The following CYP24A1 variants were observed in gnomAD, a reference collection of about 807,000 sequenced individuals.
The protein encoded by CYP24A1 is 1,25-dihydroxyvitamin D(3) 24-hydroxylase, mitochondrial.
Under a neutral mutation model 62.4 loss-of-function variants are expected in CYP24A1, and 68 were observed. The observed-to-expected ratio is 1.09, with a 90% CI of 0.90 to 1.33. CYP24A1 has a LOEUF of 1.33. Among genes scored for constraint, CYP24A1 ranks in the 40% most tolerant of loss-of-function variants. The probability of loss-of-function intolerance (pLI) is 0.00; values close to 1 mark genes in which losing one functional copy is unlikely to be tolerated. For synonymous variants in CYP24A1, 267 were observed against 253.0 expected, an observed-to-expected ratio of 1.06 and a Z score of -0.52; for missense variants, 787 against 653.0, an observed-to-expected ratio of 1.21 and a Z score of -2.24.
At chr20:54,148,245 GA>G in the CYP24A1 span, among the ~76,000 whole-genome samples, 1 of 151,422 alleles carries the variant, frequency 6.6e-6, no homozygotes, top group Non-Finnish European at 1.5e-5. Context: ...CATAATTTCA[GA>G]AAAGTTACAT....
downstream of CYP24A1, among the ~76,000 whole-genome samples, chr20:54,151,659 G>C (rs1403814707): frequency 6.6e-6 from 1 of 151,968 alleles, no homozygotes; most frequent in Non-Finnish European, 1.5e-5. Flanking sequence ...CAATTCTCCT[G>C]CCTCAGGAGA....
intron 4 of CYP24A1, among the ~76,000 whole-genome samples, chr20:54,166,059 C>T (rs1454189709): frequency 2.0e-5 from 3 of 152,232 alleles, no homozygotes; most frequent in Admixed American, 6.5e-5. Context: ...CTCATCACCT[C>T]AGAGTGTCAT....
At chr20:54,165,619 ACACTT>A (rs1222327597) in intron 5 of CYP24A1, 118 bp downstream of exon 5, 9 of 734,884 alleles carry the variant, frequency 1.2e-5, no homozygotes, top group African/African-American at 1.0e-4. Flanking sequence ...ATTAAAATGA[ACACTT>A]AACTATTGAA....
In CYP24A1 at chr20:54,169,618, C is replaced by T. The variant is rs2146502648; in HGVS notation, c.614G>A (p.Ser205Asn). ...TTCAAACGACCATTTGTTCAGTTCGCTGTACAAGTCTTCAACGTGGCCTCT... is the reference window on the plus strand; with the variant it reads ...TTCAAACGACCATTTGTTCAGTTCGTTGTACAAGTCTTCAACGTGGCCTCT... ...DERGHVEDLY[S>N]ELNKWSFESI... is the part of the protein sequence containing the mutation. The change falls in exon 4 of 12, where the codon AGC (serine) becomes AAC (asparagine). Residue 205 changes from serine to asparagine, a missense_variant. Coordinates refer to ENST00000216862, the MANE Select transcript of CYP24A1 (RefSeq NM_000782.5). 1 of 1,614,170 alleles carries T rather than the reference C, an allele frequency of 6.2e-7. No individual in the cohort carries two copies. The highest frequency in any genetic ancestry group is 8.5e-7 in the Non-Finnish European group (1 of 1,180,024).
intron 11 of CYP24A1, among the ~76,000 whole-genome samples, chr20:54,155,436 A>G (rs1275236363): frequency 6.6e-6 from 1 of 152,068 alleles, no homozygotes; most frequent in Non-Finnish European, 1.5e-5. Context: ...ATATGTTACA[A>G]ATGTCTTATT....
intron 2 of CYP24A1, chr20:54,172,098 A>G (rs551884123): frequency 3.7e-5 from 10 of 272,150 alleles, no homozygotes; most frequent in Admixed American, 2.5e-4. Flanking sequence ...TCATATTTAC[A>G]AAATATCTCA....
Position 54,159,049 on chromosome 20 carries a change from T to A in CYP24A1, c.1065A>T (p.Glu355Asp). 6.2e-7 allele frequency: 1 copy of A among 1,614,196 alleles called. No homozygotes were observed. Among genetic ancestry groups the A allele is most frequent in the Non-Finnish European group, 8.5e-7 (1 of 1,180,024 alleles). Residue 355 changes from glutamate (E) to aspartate (D), a missense_variant, in exon 8 of 12, where the codon GAA (glutamate) becomes GAT (aspartate). Transcript: ENST00000216862. Reference sequence around the variant, plus strand: ...GATTCTCAGGTAATACACTTTGAATTTCCTTAAGAAGCTTTTGTTGCACTT... The same window carrying A: ...GATTCTCAGGTAATACACTTTGAATATCCTTAAGAAGCTTTTGTTGCACTT... Reference protein sequence around the residue: ...NPQVQQKLLKEIQSVLPENQV... With the variant: ...NPQVQQKLLKDIQSVLPENQV...
At chr20:54,164,071 G>A (rs1685464194) in intron 6 of CYP24A1, among the ~76,000 whole-genome samples, 2 of 152,142 alleles carry the variant, frequency 1.3e-5, no homozygotes, top group African/African-American at 4.8e-5. Flanking sequence ...GAGTAGCTGG[G>A]ATTACAGGTG....
chr20:54,150,631 A>G (rs1426198482), downstream of CYP24A1, among the ~76,000 whole-genome samples: 1 of 151,494 alleles, frequency 6.6e-6, no homozygotes, highest in East Asian at 1.9e-4. Flanking sequence ...CAGCCAAAAA[A>G]CCCCTAGATT....
In CYP24A1 at chr20:54,162,731, C is replaced by T. The variant is rs2092657353; in HGVS notation, c.976G>A (p.Ala326Thr). 1.9e-6 allele frequency: 3 copies of T among 1,601,562 alleles called. No individual in the cohort carries two copies. The highest frequency in any genetic ancestry group is 1.7e-5 in the Admixed American group (1 of 59,952). The part of the protein sequence containing the change: ...LYAAVTELQL[A>T]AVETTANSLM... ...CCCACCCTTACCGTTTCCACCGCAG[C>T]CAGCTGGAGCTCTGTGACAGCAGCA... is the stretch of plus-strand genomic sequence containing the variant. Residue 326 changes from alanine to threonine, a missense_variant, in exon 7 of 12, where the codon GCT becomes ACT. Coordinates refer to ENST00000216862, the MANE Select transcript of CYP24A1 (RefSeq NM_000782.5).
intron 3 of CYP24A1, among the ~76,000 whole-genome samples, chr20:54,171,045 C>T (rs73135800): frequency 0.031 from 4,777 of 152,336 alleles, 115 homozygotes; most frequent in Non-Finnish European, 0.048. Flanking sequence ...GAACACACCA[C>T]GTCATTTCAT....
intron 7 of CYP24A1, among the ~76,000 whole-genome samples, chr20:54,160,477 G>A (rs970126893): frequency 4.6e-5 from 7 of 152,186 alleles, no homozygotes; most frequent in African/African-American, 1.4e-4. Context: ...TCACACAAAT[G>A]AGCACCAAGT....
At position 54,173,222 on chromosome 20, in the gene CYP24A1, C is replaced by T. The variant is rs774613356; in HGVS notation, c.258+100G>A. 4 of 1,510,086 alleles carry T rather than the reference C, an allele frequency of 2.6e-6. No individual in the cohort carries two copies. Among genetic ancestry groups the T allele is most frequent in the African/African-American group, 1.4e-5 (1 of 72,974 alleles). The allele number at this position is 1,510,086 out of a possible 1,614,324, so 93.5% of individuals were successfully genotyped here. ...GACCCTCCCTGCCCAGACGCCGAAG[C>T]GCACCATGCGCCCGAGGCGCGCATG... On this transcript the variant is annotated intron_variant, in intron 1 of 11. Transcript: ENST00000216862. This position sits in a 1 kb window ranked among gnomAD's most constrained non-coding sequence, Gnocchi z 7.2.
the CYP24A1 span, among the ~76,000 whole-genome samples, chr20:54,146,095 GA>G: frequency 6.6e-6 from 1 of 152,064 alleles, no homozygotes; most frequent in Non-Finnish European, 1.5e-5. Context: ...ATAAAATGCT[GA>G]AAAAAATCAA....
At chr20:54,150,811 G>A (rs1568961636), downstream of CYP24A1, among the ~76,000 whole-genome samples, 2 of 152,144 alleles carry the variant, frequency 1.3e-5, no homozygotes, top group African/African-American at 4.8e-5. Context: ...TACGTAGCTC[G>A]GTGCTGAGCA....
chr20:54,164,504 G>T lies in CYP24A1; in HGVS notation c.792C>A (p.Asn264Lys), dbSNP rs1288354379. 2 of 1,614,060 alleles carry T rather than the reference G, an allele frequency of 1.2e-6. No homozygotes were observed. Among genetic ancestry groups the T allele is most frequent in the African/African-American group, 2.7e-5 (2 of 74,918 alleles). The stretch of plus-strand genomic sequence containing the variant: ...GAGTGTGGTCCTGCCAGACCTTGGT[G>T]TTGAGGCTCTTGTGCAGCTCGACTG... ...VTPVELHKSL[N>K]TKVWQDHTLA... The change falls in exon 6 of 12, where the codon AAC (asparagine) becomes AAA (lysine). Residue 264 changes from asparagine to lysine, a missense_variant. By Grantham distance (94) the Asn-to-Lys change is moderately conservative (BLOSUM62 0). Transcript: ENST00000216862.
chr20:54,162,732 C>T lies in CYP24A1; in HGVS notation c.975G>A (p.Leu325=). ...CCACCCTTACCGTTTCCACCGCAGCCAGCTGGAGCTCTGTGACAGCAGCAT... is the reference window on the plus strand; with the variant it reads ...CCACCCTTACCGTTTCCACCGCAGCTAGCTGGAGCTCTGTGACAGCAGCAT... ...ELYAAVTELQ[L]AAVETTANSL... The change falls in exon 7 of 12, where the codon CTG becomes CTA. Residue 325 remains leucine (L), a synonymous_variant. Transcript: ENST00000216862. 2 of 1,602,416 alleles carry T rather than the reference C, an allele frequency of 1.2e-6. No individual in the cohort carries two copies. The highest frequency in any genetic ancestry group is 2.2e-5 in the South Asian group (2 of 90,840).
chr20:54,158,124 T>C lies in CYP24A1; in HGVS notation c.1198A>G (p.Lys400Glu), dbSNP rs1212693038. 1.2e-6 allele frequency: 2 copies of C among 1,613,938 alleles called. No individual in the cohort carries two copies. Among genetic ancestry groups the C allele is most frequent in the African/African-American group, 2.7e-5 (2 of 74,954 alleles). ...SVPFTTRTLD[K>E]ATVLGEYALP... Reference sequence around the variant, plus strand: ...GCATATTCACCCAGAACTGTTGCCTTGTCAAGAGTCCGAGTTGTAAATGGT... The same window carrying C: ...GCATATTCACCCAGAACTGTTGCCTCGTCAAGAGTCCGAGTTGTAAATGGT... The change falls in exon 9 of 12, where the codon AAG (lysine) becomes GAG (glutamate). Residue 400 changes from lysine to glutamate, a missense_variant. Lys to Glu is a moderately conservative substitution (Grantham distance 56). Coordinates refer to ENST00000216862, the MANE Select transcript of CYP24A1 (RefSeq NM_000782.5).
At chr20:54,171,691 C>T in intron 2 of CYP24A1, 21 bp from the exon 3 acceptor site, 1 of 1,613,938 alleles carries the variant, frequency 6.2e-7, no homozygotes, top group Non-Finnish European at 8.5e-7. Context: ...AGCAGGAATA[C>T]ATTTAGAGCA....
Sources: gnomAD v4.1 joint callset for allele counts (sites outside exome capture counted in the v4.1 genomes callset) on GRCh38, gnomAD v4.1.1 for gene constraint, Gnocchi (gnomAD v3.1) non-coding constraint, MANE v1.5 for transcripts, NCBI Gene and HGNC (gene_info 2026-07-23, HGNC 2026-07-21) for gene names.